The following PPM1E variants were observed in gnomAD, a reference collection of about 807,000 sequenced individuals.
PPM1E encodes protein phosphatase 1E.
PPM1E carries 20 observed loss-of-function variants against 65.9 expected under a neutral mutation model. That is an observed-to-expected ratio of 0.30 (90% CI 0.21 to 0.44). PPM1E has a LOEUF of 0.44. PPM1E is among the 20% of genes least tolerant of loss of function. The probability of loss-of-function intolerance (pLI) is 1.00; values close to 1 mark genes in which losing one functional copy is unlikely to be tolerated. For synonymous variants in PPM1E, 352 were observed against 374.9 expected, an observed-to-expected ratio of 0.94 and a Z score of 0.70; for missense variants, 713 against 953.1, an observed-to-expected ratio of 0.75 and a Z score of 3.32.
Position 58,982,623 on chromosome 17 carries a change from C to CA in PPM1E, c.*1597dup. ...TACCAGTATAGCTATATCAAATAGA[C>CA]AAAAACAGCTTCACTTTAGCAATGA... On this transcript the variant is annotated 3_prime_UTR_variant, in exon 7 of 7. Coordinates refer to ENST00000308249, the MANE Select transcript of PPM1E (RefSeq NM_014906.5). The CA allele has an allele frequency of 5.0e-6, 2 of 400,988 alleles. No homozygotes were observed. The highest frequency in any genetic ancestry group is 9.0e-6 in the Non-Finnish European group (2 of 221,892). The allele number at this position is 400,988 out of a possible 1,614,324, so 24.8% of individuals were successfully genotyped here. A position where few individuals can be genotyped will look rare whatever the true frequency, so the allele number is the denominator to read the frequency against.
At chr17:58,791,898 C>T (rs561502491) in intron 1 of PPM1E, among the ~76,000 whole-genome samples, 6 of 149,244 alleles carry the variant, frequency 4.0e-5, no homozygotes, top group African/African-American at 1.5e-4. Flanking sequence ...TTATTCCTTC[C>T]ATGAACTTTC....
intron 1 of PPM1E, among the ~76,000 whole-genome samples, chr17:58,816,777 TATATATATATATATATA>T (rs1567842218): frequency 0.061 from 894 of 14,688 alleles, 17 homozygotes; most frequent in South Asian, 0.11. Context: ...TATATATATA[TATATATATATATATATA>T]TTTTTTTTTT....
chr17:58,813,537 T>C (rs2050389895), intron 1 of PPM1E, among the ~76,000 whole-genome samples: 1 of 152,144 alleles, frequency 6.6e-6, no homozygotes, highest in Non-Finnish European at 1.5e-5. Flanking sequence ...GCCAAGATAG[T>C]AGGGGTTGTT....
intron 1 of PPM1E, among the ~76,000 whole-genome samples, chr17:58,870,650 G>T (rs2051059050): frequency 6.6e-6 from 1 of 152,156 alleles, no homozygotes; most frequent in Non-Finnish European, 1.5e-5. Context: ...AGTATGCAGA[G>T]AAACTAGTTT....
At chr17:58,883,953 T>A (rs1445285616) in intron 1 of PPM1E, among the ~76,000 whole-genome samples, 3 of 151,948 alleles carry the variant, frequency 2.0e-5, no homozygotes, top group African/African-American at 7.3e-5. Context: ...AAAATAAAAA[T>A]AAAAAATTCT....
intron 1 of PPM1E, among the ~76,000 whole-genome samples, chr17:58,928,702 ATTTT>A (rs138970237): frequency 7.1e-6 from 1 of 140,482 alleles, no homozygotes; most frequent in Admixed American, 7.2e-5. Context: ...TCACACACGA[ATTTT>A]TTTTTTTTTT....
At chr17:58,948,901 T>A (rs770960531) in intron 1 of PPM1E, among the ~76,000 whole-genome samples, 10 of 152,292 alleles carry the variant, frequency 6.6e-5, no homozygotes, top group South Asian at 2.1e-4. Context: ...ATTAAAAAAA[T>A]TTTTTTAGCC....
intron 1 of PPM1E, among the ~76,000 whole-genome samples, chr17:58,783,216 A>G (rs1200548452): frequency 2.6e-5 from 4 of 152,228 alleles, no homozygotes; most frequent in African/African-American, 9.6e-5. Flanking sequence ...ATGGACCTTC[A>G]TGCAAACAGT....
At chr17:58,958,153 A>G (rs541834241) in intron 2 of PPM1E, among the ~76,000 whole-genome samples, 1 of 152,302 alleles carries the variant, frequency 6.6e-6, no homozygotes, top group East Asian at 1.9e-4. Context: ...CAACAACCCA[A>G]AAAACCAATT....
chr17:58,921,697 A>G (rs2051753355), intron 1 of PPM1E, among the ~76,000 whole-genome samples: 1 of 150,990 alleles, frequency 6.6e-6, no homozygotes, highest in African/African-American at 2.4e-5. Flanking sequence ...GTGAATCAGT[A>G]GAAGAGATGG....
chr17:58,816,790 A>T (rs1439713387), intron 1 of PPM1E, among the ~76,000 whole-genome samples: 109 of 8,040 alleles, frequency 0.014, 4 homozygotes, highest in African/African-American at 0.036. Flanking sequence ...ATATATATAT[A>T]TATATTTTTT....
At position 58,845,400 on chromosome 17, in the gene PPM1E, A is replaced by G. The variant is rs1381308884; in HGVS notation, c.464+88939A>G. 4.0e-5 allele frequency among the ~76,000 whole-genome samples: 6 copies of G among 151,172 alleles called. 1 individual carries two copies. Among genetic ancestry groups the G allele is most frequent in the Admixed American group, 4.0e-4 (6 of 15,126 alleles). On this transcript the variant is annotated intron_variant, in intron 1 of 6. Coordinates refer to ENST00000308249, the MANE Select transcript of PPM1E (RefSeq NM_014906.5). ...TATACAATTTATTGGTATTAAGTATATTAATATTATTGTACAACTATCACC... is the reference window on the plus strand; with the variant it reads ...TATACAATTTATTGGTATTAAGTATGTTAATATTATTGTACAACTATCACC...
At chr17:58,807,923 C>T (rs979100599) in intron 1 of PPM1E, among the ~76,000 whole-genome samples, 2 of 152,154 alleles carry the variant, frequency 1.3e-5, no homozygotes, top group East Asian at 3.9e-4. Context: ...AACGTGAACC[C>T]TCATATACTG....
chr17:58,862,097 A>G (rs972521940), intron 1 of PPM1E, among the ~76,000 whole-genome samples: 2 of 152,196 alleles, frequency 1.3e-5, no homozygotes, highest in African/African-American at 4.8e-5. Context: ...CAATAATACA[A>G]CATATATCCT....
chr17:58,785,799 C>T (rs537297956), intron 1 of PPM1E, among the ~76,000 whole-genome samples: 1 of 151,990 alleles, frequency 6.6e-6, no homozygotes, highest in Admixed American at 6.6e-5. Flanking sequence ...ATGTTTTCCA[C>T]CCACAAATTT....
At chr17:58,907,229 C>T (rs1272168134) in intron 1 of PPM1E, among the ~76,000 whole-genome samples, 1 of 149,772 alleles carries the variant, frequency 6.7e-6, no homozygotes, top group Admixed American at 6.7e-5. Flanking sequence ...CTGGGAGACA[C>T]GATGAGACTC....
At chr17:58,898,433 G>A (rs1272167968) in intron 1 of PPM1E, among the ~76,000 whole-genome samples, 1 of 152,090 alleles carries the variant, frequency 6.6e-6, no homozygotes, top group Non-Finnish European at 1.5e-5. Flanking sequence ...GGCCATCAGA[G>A]AAATGCAAAT....
At position 58,980,041 on chromosome 17, in the gene PPM1E, C is replaced by T. The variant is rs777297413; in HGVS notation, c.1278C>T (p.Thr426=). 18 of 1,613,918 alleles carry T rather than the reference C, an allele frequency of 1.1e-5. No individual in the cohort carries two copies. The highest frequency in any genetic ancestry group is 1.6e-4 in the Middle Eastern group (1 of 6,084). The stretch of plus-strand genomic sequence containing the variant: ...CTGCCTCCACTGTTCTGGATGGGAC[C>T]GAAGACTACCTCATTCTGGCCTGTG... ...ADSASTVLDG[T]EDYLILACDG... The change falls in exon 7 of 7, where the codon ACC becomes ACT. Residue 426 remains threonine (T), a synonymous_variant. Transcript: ENST00000308249. The surrounding 1 kb of genome is among the most constrained non-coding windows in gnomAD (Gnocchi z 4.7).
intron 1 of PPM1E, among the ~76,000 whole-genome samples, chr17:58,940,283 C>G (rs2052046788): frequency 6.6e-6 from 1 of 152,168 alleles, no homozygotes; most frequent in Admixed American, 6.5e-5. Flanking sequence ...TGTGACTGCT[C>G]TAAAATATAT....
Sources: gnomAD v4.1 joint callset for allele counts (sites outside exome capture counted in the v4.1 genomes callset) on GRCh38, gnomAD v4.1.1 for gene constraint, Gnocchi (gnomAD v3.1) non-coding constraint, MANE v1.5 for transcripts, NCBI Gene and HGNC (gene_info 2026-07-23, HGNC 2026-07-21) for gene names.